The following POLD1 variants were observed in gnomAD, a reference collection of about 807,000 sequenced individuals.
POLD1 encodes the protein DNA polymerase delta 1, catalytic subunit.
In POLD1, 79 loss-of-function variants were observed where a neutral mutation model predicts 129.7. That is an observed-to-expected ratio of 0.61 (90% confidence interval 0.51 to 0.73). The LOEUF is 0.73. Among genes scored for constraint, POLD1 ranks in the 30% least tolerant of loss-of-function variants. The pLI, the probability that POLD1 is intolerant of heterozygous loss-of-function variation, is 0.00. For synonymous variants in POLD1, 714 were observed against 683.3 expected (o/e 1.04, Z -0.70); for missense variants, 1,338 against 1,595.8 (o/e 0.84, Z 2.75).
intron 1 of POLD1, among the ~76,000 whole-genome samples, chr19:50,398,570 C>CAAAAA (rs35689550): frequency 2.7e-4 from 17 of 64,112 alleles, no homozygotes; most frequent in Admixed American, 9.8e-4. Flanking sequence ...AATTCCATCT[C>CAAAAA]AAAAAAAAAA....
chr19:50,395,361 C>T (rs932023447), intron 1 of POLD1, among the ~76,000 whole-genome samples: 1 of 151,632 alleles, frequency 6.6e-6, no homozygotes, highest in Admixed American at 6.6e-5. Flanking sequence ...TTCGGGAGGC[C>T]GAGGCGGGCG....
At chr19:50,411,310 C>T (rs1024085650) in intron 17 of POLD1, among the ~76,000 whole-genome samples, 4 of 152,252 alleles carry the variant, frequency 2.6e-5, no homozygotes, top group East Asian at 3.9e-4. Context: ...CGGCTGCCTC[C>T]CCAGCCTCCT....
At position 50,406,344 on chromosome 19, in the gene POLD1, T is replaced by C; in HGVS notation, c.1383+22T>C. On this transcript the variant is annotated intron_variant, in intron 11 of 26. Transcript: ENST00000440232. This position sits in a 1 kb window ranked among gnomAD's most constrained non-coding sequence, Gnocchi z 5.5. ...GCAGGTATGGGCGGGAGGTGGGGTGTGTCCCTGTCCTTGGAAGGCCACTGC... is the reference window on the plus strand; with the variant it reads ...GCAGGTATGGGCGGGAGGTGGGGTGCGTCCCTGTCCTTGGAAGGCCACTGC... The C allele has an allele frequency of 1.9e-6, 3 of 1,612,588 alleles. No homozygotes were observed. The highest frequency in any genetic ancestry group is 2.5e-6 in the Non-Finnish European group (3 of 1,179,000).
intron 19 of POLD1, among the ~76,000 whole-genome samples, chr19:50,414,289 G>A (rs2039195885): frequency 6.6e-6 from 1 of 152,274 alleles, no homozygotes. Flanking sequence ...GTCTCGCTCT[G>A]TCGCCCAGGC....
rs2122521266 is a variant in POLD1 at position 50,417,853 on chromosome 19, C to T, written c.3230C>T (p.Pro1077Leu). Reference protein sequence around the residue: ...EDVICTSRDCPIFYMRKKVRK... With the variant: ...EDVICTSRDCLIFYMRKKVRK... ...GCCCCCACCCGCAGCCGGGACTGCC[C>T]CATCTTCTACATGCGCAAGAAGGTG... The change falls in exon 27 of 27, where the codon CCC becomes CTC. Residue 1077 changes from proline to leucine, a missense_variant. Pro to Leu is a moderately conservative substitution (Grantham distance 98). This residue lies in a region of POLD1 where 286 missense variants were observed against 277.5 expected (regional missense o/e 1.03). Coordinates refer to ENST00000440232, the MANE Select transcript of POLD1 (RefSeq NM_002691.4). 1.2e-6 allele frequency: 2 copies of T among 1,604,948 alleles called. No individual in the cohort carries two copies. The highest frequency in any genetic ancestry group is 1.7e-6 in the Non-Finnish European group (2 of 1,175,776).
intron 24 of POLD1, 133 bp from the exon 25 acceptor site, chr19:50,416,910 GTT>G: frequency 1.8e-6 from 2 of 1,142,414 alleles, no homozygotes; most frequent in Non-Finnish European, 2.4e-6. Context: ...CCCCAGGGGA[GTT>G]TTCCCAGCAC....
rs747558419 is a variant in POLD1 at position 50,406,366 on chromosome 19, C to T, written c.1384-41C>T. 1.1e-5 allele frequency: 17 copies of T among 1,611,458 alleles called. No homozygotes were observed. The highest frequency in any genetic ancestry group is 8.4e-5 in the Admixed American group (5 of 59,618). On this transcript the variant is annotated intron_variant, in intron 11 of 26. Transcript: ENST00000440232. This position sits in a 1 kb window ranked among gnomAD's most constrained non-coding sequence, Gnocchi z 5.5. ...GTGTGTCCCTGTCCTTGGAAGGCCA[C>T]TGCCCAGGCCCGCAGCCCACCAGCC...
rs114533018 is a variant in POLD1, at chr19:50,408,468, C to T, written c.1776-317C>T. On this transcript the variant is annotated intron_variant, in intron 14 of 26. Transcript: ENST00000440232. ...GGTGGCATGATCTTGGCTTACTCCA[C>T]CTCCTAGGCTCAAGCAATCCTCCTG... Among the ~76,000 whole-genome samples, 1,243 of 152,232 alleles carry T rather than the reference C, an allele frequency of 8.2e-3. 21 individuals carry two copies. The highest frequency in any genetic ancestry group is 0.029 in the African/African-American group (1,186 of 41,508).
In POLD1 at chr19:50,415,601, G is replaced by A. The variant is rs753506843; in HGVS notation, c.2717+11G>A. On this transcript the variant is annotated intron_variant, in intron 21 of 26. Coordinates refer to ENST00000440232, the MANE Select transcript of POLD1 (RefSeq NM_002691.4). Reference sequence around the variant, plus strand: ...GGAGCTGGCCGAGAGGTCCTGCGCGGGGCGGGTGGCCTGGCCAGAAATAAC... The same window carrying A: ...GGAGCTGGCCGAGAGGTCCTGCGCGAGGCGGGTGGCCTGGCCAGAAATAAC... 2.1e-5 allele frequency: 33 copies of A among 1,608,256 alleles called. No homozygotes were observed. Among genetic ancestry groups the A allele is most frequent in the Non-Finnish European group, 2.8e-5 (33 of 1,176,842 alleles).
rs573809861 is a variant in POLD1 at position 50,399,965 on chromosome 19, C to T, written c.316+481C>T. On this transcript the variant is annotated intron_variant, in intron 3 of 26. Coordinates refer to ENST00000440232, the MANE Select transcript of POLD1 (RefSeq NM_002691.4). The stretch of plus-strand genomic sequence containing the variant: ...AAGTAGCTGGGATTACAGGTGCACA[C>T]CACCATGCCTGGCTAATTTTTGTAT... Among the ~76,000 whole-genome samples the T allele has an allele frequency of 2.6e-5, 4 of 151,702 alleles. No individual in the cohort carries two copies. The South Asian group carries it at 8.3e-4, about 32-fold the overall frequency.
intron 22 of POLD1, 28 bp downstream of exon 22, chr19:50,415,854 GC>G: frequency 7.2e-7 from 1 of 1,388,200 alleles, no homozygotes; most frequent in Non-Finnish European, 9.6e-7. Context: ...GCCTGCTCCC[GC>G]CCAGCCCCCT....
At chr19:50,416,273 G>A (rs1235712604) in intron 22 of POLD1, 123 bp from the exon 23 acceptor site, 1 of 1,004,140 alleles carries the variant, frequency 1.0e-6, no homozygotes, top group East Asian at 2.6e-5. Flanking sequence ...CCAGACCCAG[G>A]CCCCCCCCAT....
chr19:50,410,161 G>A (rs542930672), intron 17 of POLD1, among the ~76,000 whole-genome samples: 84 of 152,314 alleles, frequency 5.5e-4, no homozygotes, highest in African/African-American at 1.9e-3. Flanking sequence ...GCCTACCCAC[G>A]GCAGCTCTGC....
intron 1 of POLD1, among the ~76,000 whole-genome samples, chr19:50,395,786 T>G (rs2038338698): frequency 6.6e-6 from 1 of 151,634 alleles, no homozygotes; most frequent in South Asian, 2.1e-4. Context: ...AGTGTGTATC[T>G]CCTTAGAATA....
rs527983968 is a variant in POLD1 at position 50,412,405 on chromosome 19, G to A, written c.2155-1021G>A. On this transcript the variant is annotated intron_variant, in intron 17 of 26. Coordinates refer to ENST00000440232, the MANE Select transcript of POLD1 (RefSeq NM_002691.4). ...TGACCTCAGGTGATCCACCTGCCTC[G>A]GCCTCCCAAAGTGCTGGGATTACTG... 9.2e-3 allele frequency among the ~76,000 whole-genome samples: 1,385 copies of A among 151,088 alleles called. 14 individuals are homozygous for A. Among genetic ancestry groups the A allele is most frequent in the African/African-American group, 0.031 (1,284 of 41,132 alleles).
intron 1 of POLD1, among the ~76,000 whole-genome samples, chr19:50,387,190 G>T (rs1034142644): frequency 3.3e-5 from 5 of 152,156 alleles, no homozygotes; most frequent in African/African-American, 9.7e-5. Context: ...CATGGTGGGC[G>T]CCTGTAATCC....
At chr19:50,388,825 CTTTTTTTT>C (rs34487979) in intron 1 of POLD1, among the ~76,000 whole-genome samples, 18 of 88,856 alleles carry the variant, frequency 2.0e-4, no homozygotes, top group African/African-American at 5.3e-4. Flanking sequence ...GCAGTTAACT[CTTTTTTTT>C]TTTTTTTTTT....
At chr19:50,405,922 G>A (rs2038860237) in intron 10 of POLD1, among the ~76,000 whole-genome samples, 1 of 152,034 alleles carries the variant, frequency 6.6e-6, no homozygotes, top group Non-Finnish European at 1.5e-5. Flanking sequence ...GCAGACACTG[G>A]GCTCCATCCT....
chr19:50,413,440 C>T lies in POLD1; in HGVS notation c.2169C>T (p.Phe723=), dbSNP rs753797045. The T allele has an allele frequency of 2.5e-5, 40 of 1,612,890 alleles. No homozygotes were observed. Among genetic ancestry groups the T allele is most frequent in the East Asian group, 8.9e-5 (4 of 44,846 alleles). ...CTCCCCGACAGAGCGTCACGGGGTT[C>T]GGACGTCAGATGATCGAGAAAACCA... ...CLEISQSVTG[F]GRQMIEKTKQ... The change falls in exon 18 of 27, where the codon TTC becomes TTT. Residue 723 remains phenylalanine (F), a synonymous_variant. Coordinates refer to ENST00000440232, the MANE Select transcript of POLD1 (RefSeq NM_002691.4).
Sources: gnomAD v4.1 joint callset for allele counts (sites outside exome capture counted in the v4.1 genomes callset) on GRCh38, gnomAD v4.1.1 for gene constraint, gnomAD v4.1.1 regional missense constraint, Gnocchi (gnomAD v3.1) non-coding constraint, MANE v1.5 for transcripts, NCBI Gene and HGNC (gene_info 2026-07-23, HGNC 2026-07-21) for gene names.